Variants in TMEM132D observed in about 807,000 individuals in gnomAD.
TMEM132D encodes transmembrane protein 132D.
TMEM132D carries 21 observed loss-of-function variants against 62.3 expected under a neutral mutation model. The ratio of observed to expected loss-of-function variants is 0.34; its 90% CI spans 0.24 to 0.49. The LOEUF is 0.49. Ranked by LOEUF, TMEM132D falls within the 20% of genes least tolerant of loss-of-function variation. TMEM132D has a pLI of 0.99. For missense variants in TMEM132D, 1,346 were observed against 1,402.8 expected (o/e 0.96, Z 0.65); for synonymous variants, 621 against 575.6 (o/e 1.08, Z -1.13).
chr12:129,134,237 T>C (rs1876487660), intron 5 of TMEM132D, among the ~76,000 whole-genome samples: 1 of 152,122 alleles, frequency 6.6e-6, no homozygotes, highest in African/African-American at 2.4e-5. Flanking sequence ...ATAGTTTGAA[T>C]TGGGTTTTTG....
At chr12:129,182,641 G>A (rs1291288273) in intron 5 of TMEM132D, among the ~76,000 whole-genome samples, 1 of 152,184 alleles carries the variant, frequency 6.6e-6, no homozygotes, top group Admixed American at 6.5e-5. Context: ...AGGCTAATCT[G>A]CTTTTCTGAG....
chr12:129,431,097 G>T (rs1418697441), intron 3 of TMEM132D, among the ~76,000 whole-genome samples: 2 of 152,200 alleles, frequency 1.3e-5, no homozygotes, highest in Non-Finnish European at 2.9e-5. Context: ...AGAAGAGAGC[G>T]GCTGCTACGC....
intron 1 of TMEM132D, among the ~76,000 whole-genome samples, chr12:129,843,512 T>A (rs537676590): frequency 6.6e-6 from 1 of 152,272 alleles, no homozygotes; most frequent in South Asian, 2.1e-4. Flanking sequence ...TAAATGATAT[T>A]GACAGATTAT....
intron 4 of TMEM132D, among the ~76,000 whole-genome samples, chr12:129,308,574 G>C (rs957401785): frequency 6.6e-6 from 1 of 152,140 alleles, no homozygotes; most frequent in Non-Finnish European, 1.5e-5. Flanking sequence ...CAAAATACTC[G>C]ATGACCCATT....
At chr12:129,571,036 A>C (rs1213719925) in intron 2 of TMEM132D, among the ~76,000 whole-genome samples, 1 of 152,174 alleles carries the variant, frequency 6.6e-6, no homozygotes, top group Non-Finnish European at 1.5e-5. Context: ...GAAATCAATC[A>C]TGTTTGCTGT....
intron 1 of TMEM132D, among the ~76,000 whole-genome samples, chr12:129,874,506 C>T (rs1320422807): frequency 6.7e-6 from 1 of 149,142 alleles, no homozygotes; most frequent in Non-Finnish European, 1.5e-5. Context: ...AATCATTTCA[C>T]AATGCATATG....
chr12:129,310,254 G>A (rs1881941562), intron 4 of TMEM132D, among the ~76,000 whole-genome samples: 1 of 152,198 alleles, frequency 6.6e-6, no homozygotes, highest in African/African-American at 2.4e-5. Flanking sequence ...CAGGAGGTAG[G>A]ATGCCAGGGA....
At position 129,276,430 on chromosome 12, in the gene TMEM132D, C is replaced by A. The variant is rs1256678613; in HGVS notation, c.1299+61204G>T. 1.3e-5 allele frequency among the ~76,000 whole-genome samples: 2 copies of A among 152,296 alleles called. 1 individual carries two copies. The highest frequency in any genetic ancestry group is 2.9e-5 in the Non-Finnish European group (2 of 68,018). On this transcript the variant is annotated intron_variant, in intron 4 of 8. Coordinates refer to ENST00000422113, the MANE Select transcript of TMEM132D (RefSeq NM_133448.3). ...TATATGAAAGAGAGCTACTTATAAGCCAGGGATTTATGGAATTTGTCAGTT... is the reference window on the plus strand; with the variant it reads ...TATATGAAAGAGAGCTACTTATAAGACAGGGATTTATGGAATTTGTCAGTT...
chr12:129,257,191 C>T (rs1033493992), intron 4 of TMEM132D, among the ~76,000 whole-genome samples: 2 of 149,200 alleles, frequency 1.3e-5, no homozygotes, highest in Non-Finnish European at 3.0e-5. Context: ...ATCCAGGCAT[C>T]CCCTGTTTCT....
chr12:129,817,282 G>A (rs1872373930), intron 1 of TMEM132D, among the ~76,000 whole-genome samples: 1 of 152,208 alleles, frequency 6.6e-6, no homozygotes, highest in Non-Finnish European at 1.5e-5. Flanking sequence ...CTGTGCAGAT[G>A]ATGTCTTTCT....
chr12:129,620,592 C>G (rs1008839310), intron 2 of TMEM132D, among the ~76,000 whole-genome samples: 1 of 152,174 alleles, frequency 6.6e-6, no homozygotes, highest in Non-Finnish European at 1.5e-5. Flanking sequence ...GAGTGAGACC[C>G]TGTCTAAAGA....
At chr12:129,567,833 A>C (rs932539616) in intron 2 of TMEM132D, among the ~76,000 whole-genome samples, 1 of 152,216 alleles carries the variant, frequency 6.6e-6, no homozygotes, top group South Asian at 2.1e-4. Flanking sequence ...TAAACAAATG[A>C]CTTTGCAGAA....
At chr12:129,807,020 C>T (rs1324144935) in intron 1 of TMEM132D, among the ~76,000 whole-genome samples, 2 of 151,992 alleles carry the variant, frequency 1.3e-5, no homozygotes, top group Admixed American at 6.6e-5. Context: ...GGCAACAGAG[C>T]AAGACCCTAT....
intron 3 of TMEM132D, among the ~76,000 whole-genome samples, chr12:129,394,074 A>G (rs1418680510): frequency 3.3e-5 from 5 of 152,200 alleles, no homozygotes; most frequent in Non-Finnish European, 7.4e-5. Context: ...AAACGGAATT[A>G]AACAGCTTCA....
At chr12:129,169,301 T>C (rs1302248132) in intron 5 of TMEM132D, among the ~76,000 whole-genome samples, 1 of 152,074 alleles carries the variant, frequency 6.6e-6, no homozygotes, top group Non-Finnish European at 1.5e-5. Context: ...GGACTGGGAG[T>C]CTCAAACACA....
rs117611117 is a variant in TMEM132D at position 129,631,253 on chromosome 12, C to T, written c.968+68557G>A. ...ACTGCGTCTTTCTCTTTCATAAACG[C>T]TCAGGTGTTAATGGATAAAGATTAA... On this transcript the variant is annotated intron_variant, in intron 2 of 8. Transcript: ENST00000422113. 1.6e-3 allele frequency among the ~76,000 whole-genome samples: 241 copies of T among 152,286 alleles called. 5 individuals carry two copies. In the East Asian group the frequency reaches 0.044, roughly 28 times the overall value.
chr12:129,819,968 T>C (rs976439816), intron 1 of TMEM132D, among the ~76,000 whole-genome samples: 2 of 152,094 alleles, frequency 1.3e-5, no homozygotes, highest in African/African-American at 4.8e-5. Context: ...TGGACATGAC[T>C]GCTCTCAAGA....
At chr12:129,614,786 C>T (rs1447487035) in intron 2 of TMEM132D, among the ~76,000 whole-genome samples, 1 of 152,166 alleles carries the variant, frequency 6.6e-6, no homozygotes, top group East Asian at 1.9e-4. Flanking sequence ...GGAATTCCAG[C>T]TCTCCCCGGA....
intron 2 of TMEM132D, among the ~76,000 whole-genome samples, chr12:129,535,831 A>G (rs1004719891): frequency 6.6e-6 from 1 of 151,610 alleles, no homozygotes; most frequent in Non-Finnish European, 1.5e-5. Flanking sequence ...AAAATGAAAG[A>G]GGAAGAGAGA....
Sources: allele counts gnomAD v4.1 joint callset (sites outside exome capture counted in the v4.1 genomes callset), GRCh38; gene constraint gnomAD v4.1.1; transcripts MANE v1.5; gene names NCBI Gene and HGNC (gene_info 2026-07-23, HGNC 2026-07-21).